The following GSE1 variants were observed in gnomAD, a reference collection of about 807,000 sequenced individuals.
The protein encoded by GSE1 is genetic suppressor element 1.
Under a neutral mutation model 112.6 loss-of-function variants are expected in GSE1, and 32 were observed. The observed-to-expected ratio is 0.28, with a 90% CI of 0.21 to 0.38. GSE1 has a LOEUF of 0.38. Ranked by LOEUF, GSE1 falls within the 10% of genes least tolerant of loss-of-function variation. The pLI is 1.00. For missense variants in GSE1, 2,348 were observed against 1,699.2 expected (o/e 1.38, Z -6.71); for synonymous variants, 1,115 against 735.6 (o/e 1.52, Z -8.35).
intron 2 of GSE1, among the ~76,000 whole-genome samples, chr16:85,505,517 C>G (rs1267147978): frequency 6.6e-6 from 1 of 152,194 alleles, no homozygotes; most frequent in Admixed American, 6.5e-5. Context: ...GAAGGTGCCG[C>G]TGTGGTGTCA....
chr16:85,658,910 T>TGG (rs1353520012), intron 8 of GSE1, among the ~76,000 whole-genome samples: 1 of 152,226 alleles, frequency 6.6e-6, no homozygotes, highest in Non-Finnish European at 1.5e-5. Flanking sequence ...TGGGGCATGA[T>TGG]GGGAAGCAGG....
At position 85,419,941 on chromosome 16, in the gene GSE1, T is replaced by C. The variant is rs888333060; in HGVS notation, c.2464+62298T>C. On this transcript the variant is annotated intron_variant, in intron 2 of 2. Coordinates refer to the GSE1 transcript ENST00000637419. The surrounding 1 kb of genome is among the most constrained non-coding windows in gnomAD (Gnocchi z 6.5). ...ACTGAGGGACAGCAGGGGCAAAGTC[T>C]GAGCTAGGAAGGCCCCTCTGAGGCC... Among the ~76,000 whole-genome samples, 3 of 152,176 alleles carry C rather than the reference T, an allele frequency of 2.0e-5. No homozygotes were observed. The highest frequency in any genetic ancestry group is 1.3e-4 in the Admixed American group (2 of 15,282).
At chr16:85,600,374 T>C (rs80263797) in intron 1 of GSE1, among the ~76,000 whole-genome samples, 2,092 of 152,076 alleles carry the variant, frequency 0.014, 41 homozygotes, top group African/African-American at 0.047. Context: ...GGGGAGGGGC[T>C]GGGAAGATGT....
intron 1 of GSE1, among the ~76,000 whole-genome samples, chr16:85,605,975 C>T (rs1432550334): frequency 6.6e-6 from 1 of 152,108 alleles, no homozygotes; most frequent in African/African-American, 2.4e-5. Context: ...TGAACTGGAC[C>T]TGTTTCTGCC....
intron 1 of GSE1, among the ~76,000 whole-genome samples, chr16:85,235,786 G>A (rs966770842): frequency 2.0e-5 from 3 of 152,058 alleles, no homozygotes; most frequent in African/African-American, 7.2e-5. Context: ...CCAGGCGGGC[G>A]AGGCGCCGGC....
In GSE1 at chr16:85,613,388, T is replaced by C; in HGVS notation, c.-4T>C. The C allele has an allele frequency of 6.4e-7, 1 of 1,565,986 alleles. No homozygotes were observed. The highest frequency in any genetic ancestry group is 1.2e-5 in the South Asian group (1 of 85,356). The stretch of plus-strand genomic sequence containing the variant: ...CAGCCGAGGTGGAGCTGCGGGGCCC[T>C]GGCATGAAAGGTGAGCGCGCCGCAC... On this transcript the variant is annotated 5_prime_UTR_variant, in exon 1 of 16. Coordinates refer to ENST00000253458, the MANE Select transcript of GSE1 (RefSeq NM_014615.5).
chr16:85,366,631 G>C (rs1319525617), intron 2 of GSE1, among the ~76,000 whole-genome samples: 1 of 152,172 alleles, frequency 6.6e-6, no homozygotes, highest in Admixed American at 6.5e-5. Flanking sequence ...CCGCCCCTCT[G>C]TTTCCTGCCC....
chr16:85,580,757 T>C (rs889145598), intron 1 of GSE1, among the ~76,000 whole-genome samples: 1 of 152,212 alleles, frequency 6.6e-6, no homozygotes, highest in Non-Finnish European at 1.5e-5. Flanking sequence ...CCTGCTCTGC[T>C]AGGATTAGTG....
intron 3 of GSE1, among the ~76,000 whole-genome samples, chr16:85,649,686 G>A (rs1038202426): frequency 3.9e-5 from 6 of 152,194 alleles, no homozygotes; most frequent in Admixed American, 2.6e-4. Flanking sequence ...AATTAAGAGC[G>A]ATTCTCAGGG....
chr16:85,266,038 C>A (rs187856657), intron 1 of GSE1, among the ~76,000 whole-genome samples: 1 of 152,150 alleles, frequency 6.6e-6, no homozygotes, highest in Non-Finnish European at 1.5e-5. Flanking sequence ...TTTCAGGCCG[C>A]GGCGCTGGGC....
chr16:85,577,414 C>G (rs890001190), intron 1 of GSE1, among the ~76,000 whole-genome samples: 4 of 152,202 alleles, frequency 2.6e-5, no homozygotes, highest in Non-Finnish European at 5.9e-5. Context: ...CAGGGCAGGT[C>G]TGCTGTGACA....
chr16:85,300,291 C>A (rs1340159299), intron 1 of GSE1, among the ~76,000 whole-genome samples: 2 of 152,190 alleles, frequency 1.3e-5, no homozygotes, highest in Non-Finnish European at 2.9e-5. Flanking sequence ...GGATTACAGG[C>A]GTGAGCCACT....
intron 2 of GSE1, among the ~76,000 whole-genome samples, chr16:85,541,194 T>C (rs1182445902): frequency 6.6e-6 from 1 of 152,168 alleles, no homozygotes; most frequent in Non-Finnish European, 1.5e-5. Context: ...CCAGGGAGGC[T>C]GATAGGCCAA....
chr16:85,623,179 A>G (rs2151647104), intron 1 of GSE1, among the ~76,000 whole-genome samples: 1 of 151,560 alleles, frequency 6.6e-6, no homozygotes, highest in African/African-American at 2.4e-5. Context: ...AAATAAAAAC[A>G]GGTTGAAGGG....
intron 14 of GSE1, 33 bp from the exon 15 acceptor site, chr16:85,670,962 C>A (rs757795831): frequency 7.2e-7 from 1 of 1,384,290 alleles, no homozygotes; most frequent in Non-Finnish European, 1.0e-6. Context: ...CTCCTGCATA[C>A]GGAAAATACA....
At chr16:85,401,056 G>C (rs1212414109) in intron 2 of GSE1, among the ~76,000 whole-genome samples, 2 of 152,164 alleles carry the variant, frequency 1.3e-5, no homozygotes, top group African/African-American at 4.8e-5. Context: ...CCTCCGCGTG[G>C]AGGCCAAACC....
intron 1 of GSE1, among the ~76,000 whole-genome samples, chr16:85,288,833 C>T (rs1292270699): frequency 6.6e-6 from 1 of 152,156 alleles, no homozygotes; most frequent in East Asian, 1.9e-4. Flanking sequence ...GCAGGAGGCA[C>T]CCACCCTGAG....
At chr16:85,612,938 C>A (rs2048088711), upstream of GSE1, among the ~76,000 whole-genome samples, 1 of 152,208 alleles carries the variant, frequency 6.6e-6, no homozygotes, top group Admixed American at 6.5e-5. Flanking sequence ...AGTGGCCGGT[C>A]TTAGCCACCA....
At chr16:85,221,204 C>T (rs889693971) in intron 1 of GSE1, among the ~76,000 whole-genome samples, 5 of 152,030 alleles carry the variant, frequency 3.3e-5, no homozygotes, top group African/African-American at 2.4e-5. Context: ...CTGTCCCTCC[C>T]GTGCTGGGCG....
Sources: gnomAD v4.1 joint callset for allele counts (sites outside exome capture counted in the v4.1 genomes callset) on GRCh38, gnomAD v4.1.1 for gene constraint, Gnocchi (gnomAD v3.1) non-coding constraint, MANE v1.5 for transcripts, NCBI Gene and HGNC (gene_info 2026-07-23, HGNC 2026-07-21) for gene names.